ZC3H13: variants seen among roughly 807,000 people sequenced by gnomAD.
The protein encoded by ZC3H13 is zinc finger CCCH domain-containing protein 13.
In ZC3H13, 64 loss-of-function variants were observed where a neutral mutation model predicts 204.1. That is an observed-to-expected ratio of 0.31 (90% CI 0.26 to 0.39). ZC3H13 has a LOEUF of 0.39. Among genes scored for constraint, ZC3H13 ranks in the 10% least tolerant of loss-of-function variants. ZC3H13 has a pLI of 1.00. For missense variants in ZC3H13, 1,833 were observed against 2,082.7 expected (o/e 0.88, Z 2.33); for synonymous variants, 667 against 693.7 (o/e 0.96, Z 0.60).
intron 16 of ZC3H13, among the ~76,000 whole-genome samples, chr13:45,964,646 A>G (rs1160541359): frequency 2.6e-5 from 4 of 152,216 alleles, no homozygotes; most frequent in Non-Finnish European, 4.4e-5. Flanking sequence ...AGAGCAAATT[A>G]AAATAAAAAT....
chr13:45,997,595 G>A (rs1341243121), intron 8 of ZC3H13, among the ~76,000 whole-genome samples: 3 of 152,074 alleles, frequency 2.0e-5, no homozygotes, highest in Admixed American at 1.3e-4. Context: ...TATGAGTAAT[G>A]GATAATTCAG....
chr13:46,018,499 T>C (rs2042045111), intron 5 of ZC3H13, among the ~76,000 whole-genome samples: 1 of 152,048 alleles, frequency 6.6e-6, no homozygotes, highest in South Asian at 2.1e-4. Context: ...AGATCTACAA[T>C]ACAAGGGAAT....
At chr13:46,015,404 G>A (rs533529500) in intron 5 of ZC3H13, among the ~76,000 whole-genome samples, 6 of 152,000 alleles carry the variant, frequency 3.9e-5, no homozygotes, top group Non-Finnish European at 5.9e-5. Context: ...ATGCTTACAC[G>A]TTACACATGT....
At chr13:45,976,431 T>A (rs1444024029) in intron 11 of ZC3H13, among the ~76,000 whole-genome samples, 1 of 152,244 alleles carries the variant, frequency 6.6e-6, no homozygotes, top group Non-Finnish European at 1.5e-5. Flanking sequence ...AGGGTACTGA[T>A]GTCTAGCAAT....
chr13:46,011,057 A>C (rs570329299), intron 6 of ZC3H13, among the ~76,000 whole-genome samples: 80 of 152,322 alleles, frequency 5.3e-4, no homozygotes, highest in Non-Finnish European at 9.0e-4. Context: ...CAGAAAAATC[A>C]TAAATTATAT....
At chr13:45,962,850 C>T (rs867056885) in intron 17 of ZC3H13, 6 of 985,234 alleles carry the variant, frequency 6.1e-6, no homozygotes, top group Middle Eastern at 1.0e-3. Flanking sequence ...TCGTCCCTCC[C>T]CATTAATAAA....
intron 12 of ZC3H13, among the ~76,000 whole-genome samples, chr13:45,972,609 A>G (rs1014461385): frequency 2.6e-5 from 4 of 152,210 alleles, no homozygotes; most frequent in Non-Finnish European, 5.9e-5. Flanking sequence ...ATACCAGCAC[A>G]TGTATATCAT....
chr13:46,025,609 C>A (rs1365702849), intron 4 of ZC3H13, among the ~76,000 whole-genome samples: 1 of 152,198 alleles, frequency 6.6e-6, no homozygotes, highest in Non-Finnish European at 1.5e-5. Flanking sequence ...GATACCAGGT[C>A]TAACCTCTCA....
intron 11 of ZC3H13, chr13:45,976,120 G>A (rs1593502431): frequency 1.1e-6 from 1 of 911,540 alleles, no homozygotes; most frequent in South Asian, 5.1e-5. Context: ...TTCTCTGCAT[G>A]CTCCCTACCC....
chr13:46,047,888 GAA>G (rs1430403102), intron 1 of ZC3H13, among the ~76,000 whole-genome samples: 2 of 65,822 alleles, frequency 3.0e-5, no homozygotes, highest in African/African-American at 1.6e-4. Flanking sequence ...GTAGAACTTA[GAA>G]AACAGGCACA....
At position 46,025,749 on chromosome 13, in the gene ZC3H13, C is replaced by T. The variant is rs560840575; in HGVS notation, c.340-5192G>A. On this transcript the variant is annotated intron_variant, in intron 4 of 18. Coordinates refer to ENST00000679008, the MANE Select transcript of ZC3H13 (RefSeq NM_001330564.2). Reference sequence around the variant, plus strand: ...GCAGCTCTAGAATTAATGTTAATACCAATTTTTCTTCTCTGTTATTTACTG... The same window carrying T: ...GCAGCTCTAGAATTAATGTTAATACTAATTTTTCTTCTCTGTTATTTACTG... 7.2e-5 allele frequency among the ~76,000 whole-genome samples: 11 copies of T among 152,158 alleles called. No individual in the cohort carries two copies. In the East Asian group the frequency reaches 1.9e-3, roughly 27 times the overall value.
At chr13:45,998,583 A>C (rs1164850412) in intron 8 of ZC3H13, among the ~76,000 whole-genome samples, 3 of 151,996 alleles carry the variant, frequency 2.0e-5, no homozygotes, top group African/African-American at 7.2e-5. Context: ...CAGGAGATGG[A>C]GCTTGCAATG....
chr13:46,017,893 C>A (rs537411004), intron 5 of ZC3H13, among the ~76,000 whole-genome samples: 1 of 151,988 alleles, frequency 6.6e-6, no homozygotes, highest in African/African-American at 2.4e-5. Context: ...AAAAACTGTG[C>A]GTTTCAATCA....
intron 8 of ZC3H13, among the ~76,000 whole-genome samples, chr13:45,999,692 C>A (rs1309508466): frequency 6.6e-6 from 1 of 152,192 alleles, no homozygotes; most frequent in Non-Finnish European, 1.5e-5. Flanking sequence ...TTGACCTCCT[C>A]CTGTGAATGA....
At chr13:45,979,593 G>A (rs774953097) in intron 11 of ZC3H13, among the ~76,000 whole-genome samples, 13 of 152,060 alleles carry the variant, frequency 8.5e-5, no homozygotes, top group Non-Finnish European at 1.8e-4. Context: ...CCAAGTTTTT[G>A]CACTTTGTTG....
chr13:46,045,203 G>A (rs1265444179), intron 2 of ZC3H13, 139 bp from the exon 3 acceptor site: 8 of 959,752 alleles, frequency 8.3e-6, no homozygotes, highest in African/African-American at 8.3e-5. Flanking sequence ...AAAAACTTCA[G>A]GAAAAAAATA....
chr13:45,995,813 A>G (rs2040291627), intron 8 of ZC3H13, among the ~76,000 whole-genome samples: 1 of 152,210 alleles, frequency 6.6e-6, no homozygotes, highest in Non-Finnish European at 1.5e-5. Context: ...TCTTTTCTTT[A>G]TAAGTTACCT....
chr13:45,979,069 G>A (rs1379982528), intron 11 of ZC3H13, among the ~76,000 whole-genome samples: 1 of 152,002 alleles, frequency 6.6e-6, no homozygotes, highest in Non-Finnish European at 1.5e-5. Flanking sequence ...CAAGTTTCAT[G>A]CTATATTAAT....
In ZC3H13 at chr13:45,967,693, T is replaced by TTCTGTC. The variant is rs1177796687; in HGVS notation, c.4126_4131dup (p.Asp1376_Arg1377dup). ...GACTCTATTTGAGAACTCTCAAAAG[T>TTCTGTC]TCTGTCTCTGTCTCTGTCCCTGTCC... On this transcript the variant is annotated inframe_insertion, in exon 15 of 19. Transcript: ENST00000679008. 1.2e-6 allele frequency: 2 copies of TTCTGTC among 1,614,064 alleles called. No homozygotes were observed. Among genetic ancestry groups the TTCTGTC allele is most frequent in the Non-Finnish European group, 8.5e-7 (1 of 1,179,974 alleles).
Sources: gnomAD v4.1 joint callset for allele counts (sites outside exome capture counted in the v4.1 genomes callset) on GRCh38, gnomAD v4.1.1 for gene constraint, MANE v1.5 for transcripts, NCBI Gene and HGNC (gene_info 2026-07-23, HGNC 2026-07-21) for gene names.